Variants in THADA observed in about 807,000 individuals in gnomAD.
THADA encodes THADA armadillo repeat containing, also known as tRNA (32-2'-O)-methyltransferase regulator THADA.
In THADA, 213 loss-of-function variants were observed where a neutral mutation model predicts 219.8. The observed-to-expected ratio is 0.97, with a 90% CI of 0.87 to 1.09. The LOEUF (loss-of-function observed/expected upper bound fraction) is 1.09. Among genes scored for constraint, THADA ranks in the 50% least tolerant of loss-of-function variants. THADA has a pLI of 0.00. For synonymous variants in THADA, 1,018 were observed against 828.9 expected, an observed-to-expected ratio of 1.23 and a Z score of -3.92; for missense variants, 2,956 against 2,311.3, an observed-to-expected ratio of 1.28 and a Z score of -5.72.
At chr2:43,523,796 A>G (rs895772169) in intron 22 of THADA, among the ~76,000 whole-genome samples, 1 of 152,232 alleles carries the variant, frequency 6.6e-6, no homozygotes, top group Non-Finnish European at 1.5e-5. Context: ...CATTACAAGT[A>G]AAGCAATTCG....
chr2:43,377,515 G>T (rs1202523476), intron 29 of THADA, among the ~76,000 whole-genome samples: 1 of 152,104 alleles, frequency 6.6e-6, no homozygotes, highest in Non-Finnish European at 1.5e-5. Context: ...GACCCACAGG[G>T]GAATTAGATG....
Position 43,395,902 on chromosome 2 carries a change from G to T in THADA, c.4227+2069C>A, listed in dbSNP as rs184032427. Among the ~76,000 whole-genome samples, 114 of 152,144 alleles carry T rather than the reference G, an allele frequency of 7.5e-4. 1 individual carries two copies. The highest frequency in any genetic ancestry group is 2.5e-3 in the African/African-American group (103 of 41,504). ...AAGTTGAGTAGCTGGGACTACAGGCGTGCACCACCACACACAGTTAATTTA... is the reference window on the plus strand; with the variant it reads ...AAGTTGAGTAGCTGGGACTACAGGCTTGCACCACCACACACAGTTAATTTA... On this transcript the variant is annotated intron_variant, in intron 29 of 37. Transcript: ENST00000405975.
At chr2:43,394,785 C>A (rs1366011098) in intron 29 of THADA, among the ~76,000 whole-genome samples, 1 of 152,164 alleles carries the variant, frequency 6.6e-6, no homozygotes, top group Non-Finnish European at 1.5e-5. Flanking sequence ...TTTTTCTCAA[C>A]CAGGGTAAAC....
chr2:43,519,876 G>C (rs936565603), intron 22 of THADA, among the ~76,000 whole-genome samples: 2 of 152,160 alleles, frequency 1.3e-5, no homozygotes, highest in African/African-American at 2.4e-5. Flanking sequence ...CCTATAAAAA[G>C]CAGAATAGAG....
chr2:43,322,444 C>T (rs1447267297), intron 30 of THADA, among the ~76,000 whole-genome samples: 1 of 151,676 alleles, frequency 6.6e-6, no homozygotes, highest in East Asian at 2.0e-4. Context: ...GCAGAGGTTG[C>T]AGTGAGCTGA....
intron 28 of THADA, among the ~76,000 whole-genome samples, chr2:43,399,669 G>A (rs1302109423): frequency 6.6e-6 from 1 of 152,046 alleles, no homozygotes; most frequent in Non-Finnish European, 1.5e-5. Flanking sequence ...ATTATCTGTG[G>A]GAAAGCAGAG....
rs898251061 is a variant in THADA, at chr2:43,428,329, C to T, written c.3927-98G>A. 2.6e-5 allele frequency: 32 copies of T among 1,235,758 alleles called. No individual in the cohort carries two copies. In the South Asian group the frequency reaches 3.9e-4, roughly 15 times the overall value. The allele number at this position is 1,235,758 out of a possible 1,614,324, so 76.5% of individuals were successfully genotyped here. A position where few individuals can be genotyped will look rare whatever the true frequency, so the allele number is the denominator to read the frequency against. ...CTCATGAAATAATTATGTATATGGC[C>T]GGGTGCGGTGACTAATGCCTGTAAT... On this transcript the variant is annotated intron_variant, in intron 27 of 37. Transcript: ENST00000405975.
At position 43,552,309 on chromosome 2, in the gene THADA, T is replaced by C; in HGVS notation, c.2705A>G (p.Glu902Gly). 6.3e-7 allele frequency: 1 copy of C among 1,599,308 alleles called. No homozygotes were observed. The highest frequency in any genetic ancestry group is 1.1e-5 in the South Asian group (1 of 87,660). Residue 902 changes from glutamate (E) to glycine (G), a missense_variant, in exon 18 of 38, where the codon GAA (glutamate) becomes GGA (glycine). Glu to Gly is a moderately conservative substitution (Grantham distance 98, BLOSUM62 -2). Coordinates refer to ENST00000405975, the MANE Select transcript of THADA (RefSeq NM_022065.5). The stretch of plus-strand genomic sequence containing the variant: ...AGAATTTTCAGCCTGAGATACTTCT[T>C]CCTCAAGATTTTCCATCAAGCATTT... Reference protein sequence around the residue: ...VIKCLMENLEEEVSQAENSLL... With the variant: ...VIKCLMENLEGEVSQAENSLL...
In THADA at chr2:43,293,213, A is replaced by G. The variant is rs1475811948; in HGVS notation, c.4439T>C (p.Val1480Ala). ...LNRSAKDNQP[V>A]LESLGFWEEV... ...CTCCCAGAAGCCAAGACTCTCCAGA[A>G]CTAAGAAGCAAAAAAAGCAAAAGGG... The change falls in exon 32 of 38, where the codon GTT becomes GCT. Residue 1480 changes from valine to alanine, a missense_variant and splice_region_variant. By Grantham distance (64) the Val-to-Ala change is moderately conservative (BLOSUM62 0). Coordinates refer to ENST00000405975, the MANE Select transcript of THADA (RefSeq NM_022065.5). The G allele has an allele frequency of 6.3e-7, 1 of 1,591,502 alleles. No individual in the cohort carries two copies. The highest frequency in any genetic ancestry group is 8.6e-7 in the Non-Finnish European group (1 of 1,168,050).
intron 29 of THADA, among the ~76,000 whole-genome samples, chr2:43,347,589 T>C (rs1181846652): frequency 6.6e-6 from 1 of 152,178 alleles, no homozygotes; most frequent in East Asian, 1.9e-4. Context: ...GCTTCATTAA[T>C]TGTAACAAAT....
At chr2:43,264,843 A>C (rs1443445875) in intron 36 of THADA, among the ~76,000 whole-genome samples, 1 of 152,244 alleles carries the variant, frequency 6.6e-6, no homozygotes, top group Non-Finnish European at 1.5e-5. Context: ...TGAGTTCTAC[A>C]GTACCGTGAA....
intron 4 of THADA, 150 bp downstream of exon 4, chr2:43,590,674 A>C: frequency 1.6e-6 from 1 of 642,562 alleles, no homozygotes; most frequent in Non-Finnish European, 2.5e-6. Flanking sequence ...AAATAGTTGT[A>C]ACTAATCAAT....
intron 20 of THADA, among the ~76,000 whole-genome samples, chr2:43,544,143 T>C (rs1247248830): frequency 6.6e-6 from 1 of 152,210 alleles, no homozygotes; most frequent in African/African-American, 2.4e-5. Context: ...TCTCCCCCAT[T>C]GCTTGTTTTT....
rs189248650 is a variant in THADA, at chr2:43,507,513, G to A, written c.3507+1135C>T. Among the ~76,000 whole-genome samples the A allele has an allele frequency of 5.1e-4, 77 of 152,200 alleles. 1 individual carries two copies. In the South Asian group the frequency reaches 0.015, roughly 30 times the overall value. ...GAATGGGTCAGATCAAATAAAAGTTGATTTCTGAAGGTCACCAAAATCCAT... is the reference window on the plus strand; with the variant it reads ...GAATGGGTCAGATCAAATAAAAGTTAATTTCTGAAGGTCACCAAAATCCAT... On this transcript the variant is annotated intron_variant, in intron 23 of 37. Coordinates refer to ENST00000405975, the MANE Select transcript of THADA (RefSeq NM_022065.5).
intron 8 of THADA, among the ~76,000 whole-genome samples, chr2:43,580,720 CA>C (rs898181879): frequency 6.1e-5 from 9 of 147,252 alleles, no homozygotes; most frequent in Admixed American, 6.8e-5. Flanking sequence ...ATTAAAAATA[CA>C]AAAAAAAAAT....
chr2:43,299,707 A>G (rs1049360161), intron 31 of THADA, among the ~76,000 whole-genome samples: 7 of 151,466 alleles, frequency 4.6e-5, no homozygotes, highest in African/African-American at 1.7e-4. Flanking sequence ...CAAAATGTTT[A>G]GTGTCCTAAA....
chr2:43,579,215 G>A (rs548988231), intron 8 of THADA, among the ~76,000 whole-genome samples: 2 of 152,140 alleles, frequency 1.3e-5, no homozygotes, highest in Admixed American at 6.5e-5. Flanking sequence ...TTTCTTCCTC[G>A]CCAACTATTG....
At chr2:43,546,237 G>A (rs1450296225) in intron 20 of THADA, among the ~76,000 whole-genome samples, 6 of 152,048 alleles carry the variant, frequency 3.9e-5, no homozygotes, top group Admixed American at 6.5e-5. Flanking sequence ...CTGAGAGACA[G>A]TTTGTTATAA....
chr2:43,403,852 C>T (rs1284076944), intron 28 of THADA, among the ~76,000 whole-genome samples: 8 of 152,012 alleles, frequency 5.3e-5, no homozygotes, highest in Admixed American at 2.0e-4. Flanking sequence ...AAACCTCTCA[C>T]TAAAGTTACT....
Sources: gnomAD v4.1 joint callset for allele counts (sites outside exome capture counted in the v4.1 genomes callset) on GRCh38, gnomAD v4.1.1 for gene constraint, MANE v1.5 for transcripts, NCBI Gene and HGNC (gene_info 2026-07-23, HGNC 2026-07-21) for gene names.